Variants in LARGE1 observed in about 807,000 individuals in gnomAD.
LARGE1 encodes the protein xylosyl- and glucuronyltransferase LARGE1.
Under a neutral mutation model 87.6 loss-of-function variants are expected in LARGE1, and 43 were observed. The observed-to-expected ratio is 0.49, with a 90% confidence interval of 0.38 to 0.63. The LOEUF is 0.63. Ranked by LOEUF, LARGE1 falls within the 30% of genes least tolerant of loss-of-function variation. The pLI, the probability that LARGE1 is intolerant of heterozygous loss-of-function variation, is 0.00. For synonymous variants in LARGE1, 434 were observed against 394.6 expected, an observed-to-expected ratio of 1.10 and a Z score of -1.18; for missense variants, 802 against 1,000.2, an observed-to-expected ratio of 0.80 and a Z score of 2.67.
At position 33,374,274 on chromosome 22, in the gene LARGE1, T is replaced by C. The variant is rs572982946; in HGVS notation, c.1131+7645A>G. 1.5e-4 allele frequency among the ~76,000 whole-genome samples: 23 copies of C among 152,348 alleles called. No homozygotes were observed. In the South Asian group the frequency reaches 2.1e-3, roughly 14 times the overall value. On this transcript the variant is annotated intron_variant, in intron 9 of 14. Transcript: ENST00000397394. ...CGACTACCTGGTTATCTATTATACA[T>C]TGGCTTCTCACAAGGAGAAGCAATC... is the stretch of plus-strand genomic sequence containing the variant.
At chr22:33,429,849 G>A (rs1040909209) in intron 7 of LARGE1, among the ~76,000 whole-genome samples, 4 of 152,092 alleles carry the variant, frequency 2.6e-5, no homozygotes, top group Non-Finnish European at 4.4e-5. Flanking sequence ...TGGAACCCCC[G>A]TCCCTGGCCC....
At chr22:33,639,896 GAC>G (rs540231771) in intron 3 of LARGE1, among the ~76,000 whole-genome samples, 135 of 152,350 alleles carry the variant, frequency 8.9e-4, no homozygotes, top group African/African-American at 3.2e-3. Flanking sequence ...CTATTTGAAA[GAC>G]ACATAATTAC....
rs548329914 is a variant in LARGE1, at chr22:33,901,436, T to C, written c.-83+18559A>G. Reference sequence around the variant, plus strand: ...GGAAATATTAGCATGGAAATAACAATAAACCATGTTCTGCCAAAACTTCTT... The same window carrying C: ...GGAAATATTAGCATGGAAATAACAACAAACCATGTTCTGCCAAAACTTCTT... On this transcript the variant is annotated intron_variant, in intron 1 of 14. Transcript: ENST00000397394. Among the ~76,000 whole-genome samples, 5 of 152,326 alleles carry C rather than the reference T, an allele frequency of 3.3e-5. No individual in the cohort carries two copies. The East Asian group carries it at 9.7e-4, about 29-fold the overall frequency.
At chr22:33,428,603 G>T (rs1179043963) in intron 7 of LARGE1, among the ~76,000 whole-genome samples, 1 of 119,246 alleles carries the variant, frequency 8.4e-6, no homozygotes. Flanking sequence ...GTGAGCCACC[G>T]TGCCTGGCCT....
intron 6 of LARGE1, among the ~76,000 whole-genome samples, chr22:33,493,189 C>A (rs552123934): frequency 8.5e-5 from 10 of 117,414 alleles, no homozygotes; most frequent in African/African-American, 3.0e-4. Flanking sequence ...GAGACATAGT[C>A]TTGCTCTGTC....
At chr22:33,076,871 T>C in the LARGE1 span, among the ~76,000 whole-genome samples, 1 of 152,204 alleles carries the variant, frequency 6.6e-6, no homozygotes, top group Non-Finnish European at 1.5e-5. Context: ...ATTTTCTTTT[T>C]AGTGAATAGT....
rs145462333 is a variant in LARGE1 at position 33,792,740 on chromosome 22, G to A, written c.-82-31182C>T. On this transcript the variant is annotated intron_variant, in intron 1 of 14. Transcript: ENST00000397394. ...TTGAAACTCTTCCTCCATAGGAAAT[G>A]TAGGAGTTCCCAAGCCCTCACCTAG... 2.5e-4 allele frequency among the ~76,000 whole-genome samples: 38 copies of A among 152,248 alleles called. No homozygotes were observed. The East Asian group carries it at 7.0e-3, about 28-fold the overall frequency.
chr22:33,420,246 C>T (rs1350000380), intron 7 of LARGE1, among the ~76,000 whole-genome samples: 1 of 152,084 alleles, frequency 6.6e-6, no homozygotes, highest in East Asian at 1.9e-4. Context: ...TAATACAGGC[C>T]AGGCATGATT....
intron 1 of LARGE1, among the ~76,000 whole-genome samples, chr22:33,854,861 C>T (rs1474889727): frequency 1.3e-5 from 2 of 152,146 alleles, no homozygotes; most frequent in African/African-American, 2.4e-5. Context: ...GATGCAAGAG[C>T]CCGGCGAAGG....
At chr22:33,827,361 C>T (rs777875216) in intron 1 of LARGE1, among the ~76,000 whole-genome samples, 2 of 152,146 alleles carry the variant, frequency 1.3e-5, no homozygotes. Context: ...CAGAGCAAGA[C>T]CCGGTCTCAA....
chr22:33,103,328 G>C, the LARGE1 span, among the ~76,000 whole-genome samples: 2 of 150,782 alleles, frequency 1.3e-5, no homozygotes, highest in African/African-American at 4.9e-5. Flanking sequence ...AGCTACTCGG[G>C]AGGCTGAGGC....
intron 6 of LARGE1, among the ~76,000 whole-genome samples, chr22:33,506,671 C>A (rs1602162932): frequency 6.6e-6 from 1 of 152,094 alleles, no homozygotes. Flanking sequence ...GAGGCTGAGG[C>A]GGGTAGATCA....
intron 1 of LARGE1, among the ~76,000 whole-genome samples, chr22:33,882,044 TG>T (rs2064705278): frequency 7.2e-6 from 1 of 138,756 alleles, no homozygotes; most frequent in African/African-American, 3.2e-5. Context: ...TGTTTTTTTT[TG>T]TTTTTTTTTT....
intron 1 of LARGE1, among the ~76,000 whole-genome samples, chr22:33,899,168 G>C (rs1001328096): frequency 6.6e-6 from 1 of 152,090 alleles, no homozygotes; most frequent in Non-Finnish European, 1.5e-5. Context: ...TGTACAAGGC[G>C]GCCATATAAC....
intron 5 of LARGE1, among the ~76,000 whole-genome samples, chr22:33,573,758 G>A (rs5994777): frequency 6.6e-6 from 1 of 152,096 alleles, no homozygotes; most frequent in African/African-American, 2.4e-5. Context: ...TATATTCGCT[G>A]GGTGGTTCTT....
At chr22:33,291,038 C>CAAA (rs538205175) in intron 12 of LARGE1, among the ~76,000 whole-genome samples, 1 of 134,630 alleles carries the variant, frequency 7.4e-6, no homozygotes, top group African/African-American at 2.7e-5. Context: ...GACTCCATCT[C>CAAA]AAAAAAAAAA....
intron 1 of LARGE1, among the ~76,000 whole-genome samples, chr22:33,789,625 C>T (rs981903925): frequency 3.9e-5 from 6 of 152,164 alleles, no homozygotes; most frequent in African/African-American, 1.4e-4. Flanking sequence ...GGTAGAGCTA[C>T]CCAACTCCAT....
At chr22:33,695,221 A>G (rs1196508165) in intron 2 of LARGE1, among the ~76,000 whole-genome samples, 1 of 150,322 alleles carries the variant, frequency 6.7e-6, no homozygotes, top group East Asian at 2.0e-4. Flanking sequence ...CTTGTGCCTC[A>G]GCCTCCCGAG....
chr22:33,298,914 A>AGG (rs1368420292), intron 12 of LARGE1, among the ~76,000 whole-genome samples: 1 of 151,674 alleles, frequency 6.6e-6, no homozygotes, highest in African/African-American at 2.4e-5. Flanking sequence ...AAAAGGAAAG[A>AGG]GAGAGAGAGA....
Sources: allele counts gnomAD v4.1 joint callset (sites outside exome capture counted in the v4.1 genomes callset), GRCh38; gene constraint gnomAD v4.1.1; transcripts MANE v1.5; gene names NCBI Gene and HGNC (gene_info 2026-07-23, HGNC 2026-07-21).